ITGA9: variants seen among roughly 807,000 people sequenced by gnomAD.
The protein encoded by ITGA9 is integrin alpha-9.
In ITGA9, 56 loss-of-function variants were observed where a neutral mutation model predicts 127.8. The ratio of observed to expected loss-of-function variants is 0.44; its 90% CI spans 0.35 to 0.55. ITGA9 has a LOEUF of 0.55. Among genes scored for constraint, ITGA9 ranks in the 20% least tolerant of loss-of-function variants. The probability of loss-of-function intolerance (pLI) is 0.00; values close to 1 mark genes in which losing one functional copy is unlikely to be tolerated. For missense variants in ITGA9, 1,196 were observed against 1,347.1 expected (o/e 0.89, Z 1.76); for synonymous variants, 508 against 514.5 (o/e 0.99, Z 0.17).
At chr3:37,625,267 G>A (rs1334843684) in intron 15 of ITGA9, among the ~76,000 whole-genome samples, 3 of 152,140 alleles carry the variant, frequency 2.0e-5, no homozygotes, top group Non-Finnish European at 4.4e-5. Context: ...GCACTGCGTT[G>A]TCATCTCTTG....
chr3:37,509,783 T>G (rs563954770), intron 8 of ITGA9, among the ~76,000 whole-genome samples: 1 of 152,294 alleles, frequency 6.6e-6, no homozygotes, highest in Admixed American at 6.5e-5. Flanking sequence ...GGAAAATGAC[T>G]GTGAGCCATT....
chr3:37,683,768 T>C, intron 17 of ITGA9, 97 bp from the exon 18 acceptor site: 3 of 1,243,046 alleles, frequency 2.4e-6, no homozygotes, highest in Non-Finnish European at 3.5e-6. Context: ...GTAGTTCTGA[T>C]CTCGGTTTCT....
chr3:37,653,181 G>A (rs111416026), intron 16 of ITGA9, among the ~76,000 whole-genome samples: 24 of 152,352 alleles, frequency 1.6e-4, no homozygotes, highest in African/African-American at 5.8e-4. Context: ...AGTCTGTTGT[G>A]ATTCCCTCAG....
intron 18 of ITGA9, among the ~76,000 whole-genome samples, chr3:37,705,300 G>A (rs1012800001): frequency 6.6e-5 from 10 of 152,234 alleles, no homozygotes; most frequent in East Asian, 1.9e-4. Flanking sequence ...TACACATTTC[G>A]TCACTGCTGA....
intron 17 of ITGA9, among the ~76,000 whole-genome samples, chr3:37,675,293 GTT>G (rs35666816): frequency 1.3e-5 from 2 of 152,176 alleles, no homozygotes; most frequent in Non-Finnish European, 2.9e-5. Context: ...GTGTTGCACA[GTT>G]TCCCAGAGCT....
At chr3:37,476,688 G>C (rs140376691) in intron 3 of ITGA9, among the ~76,000 whole-genome samples, 277 of 152,220 alleles carry the variant, frequency 1.8e-3, no homozygotes, top group African/African-American at 6.4e-3. Flanking sequence ...TGCCTCCTTC[G>C]TGAAGCCTGT....
At chr3:37,611,524 A>T (rs1212070271) in intron 15 of ITGA9, among the ~76,000 whole-genome samples, 1 of 152,180 alleles carries the variant, frequency 6.6e-6, no homozygotes, top group Non-Finnish European at 1.5e-5. Context: ...TGATGAAAGT[A>T]TTGGAATTTT....
At chr3:37,741,242 T>G (rs1488778137) in intron 20 of ITGA9, among the ~76,000 whole-genome samples, 1 of 152,180 alleles carries the variant, frequency 6.6e-6, no homozygotes. Context: ...CCCACTCACT[T>G]GCCTGACAGG....
chr3:37,649,322 A>T (rs1700408497), intron 16 of ITGA9, among the ~76,000 whole-genome samples: 1 of 152,220 alleles, frequency 6.6e-6, no homozygotes, highest in South Asian at 2.1e-4. Context: ...AACCAGGATC[A>T]AACTGTATGC....
Position 37,710,875 on chromosome 3 carries a change from C to G in ITGA9, c.2068-21837C>G, listed in dbSNP as rs569744609. ...CTCTTTCCACTGTCTGATTCTGGGT[C>G]TCTGCTTCCTCATCTGGATAGCAGC... On this transcript the variant is annotated intron_variant, in intron 18 of 27. Coordinates refer to ENST00000264741, the MANE Select transcript of ITGA9 (RefSeq NM_002207.3). 1.1e-3 allele frequency among the ~76,000 whole-genome samples: 168 copies of G among 152,242 alleles called. 2 individuals carry two copies. Among genetic ancestry groups the G allele is most frequent in the Non-Finnish European group, 1.0e-3 (68 of 68,052 alleles).
intron 16 of ITGA9, among the ~76,000 whole-genome samples, chr3:37,645,308 C>T (rs1005892563): frequency 2.6e-5 from 4 of 152,162 alleles, no homozygotes; most frequent in African/African-American, 4.8e-5. Flanking sequence ...GTGGCTCACG[C>T]GTGTAATCCC....
At chr3:37,602,783 A>G (rs547084138) in intron 15 of ITGA9, among the ~76,000 whole-genome samples, 125 of 152,304 alleles carry the variant, frequency 8.2e-4, no homozygotes, top group Non-Finnish European at 1.5e-3. Flanking sequence ...CCAGCACTCT[A>G]TATCATGGGT....
chr3:37,585,648 T>G (rs1369317761), intron 15 of ITGA9: 1 of 516,236 alleles, frequency 1.9e-6, no homozygotes, highest in African/African-American at 1.9e-5. Flanking sequence ...GAAGAATGTT[T>G]GTGGCTAAAG....
intron 4 of ITGA9, among the ~76,000 whole-genome samples, chr3:37,491,904 G>A (rs1330983860): frequency 6.6e-6 from 1 of 152,140 alleles, no homozygotes; most frequent in Non-Finnish European, 1.5e-5. Context: ...AATAATAGTA[G>A]TGCCCTTAAC....
intron 18 of ITGA9, among the ~76,000 whole-genome samples, chr3:37,706,325 C>T (rs1192801998): frequency 3.3e-5 from 5 of 152,196 alleles, no homozygotes; most frequent in African/African-American, 1.2e-4. Context: ...CTGCTTCTTC[C>T]CAAAGTGCTC....
intron 15 of ITGA9, among the ~76,000 whole-genome samples, chr3:37,557,535 A>G (rs934503094): frequency 6.6e-6 from 1 of 152,198 alleles, no homozygotes; most frequent in Non-Finnish European, 1.5e-5. Flanking sequence ...GGTGGGTCCA[A>G]TGGTGGATGA....
At chr3:37,472,328 T>A (rs1698441474) in intron 2 of ITGA9, among the ~76,000 whole-genome samples, 1 of 152,226 alleles carries the variant, frequency 6.6e-6, no homozygotes, top group Non-Finnish European at 1.5e-5. Flanking sequence ...TTTGTTATAA[T>A]CATGACTGCA....
chr3:37,699,390 A>T (rs571026948), intron 18 of ITGA9, among the ~76,000 whole-genome samples: 1 of 152,176 alleles, frequency 6.6e-6, no homozygotes, highest in Admixed American at 6.5e-5. Context: ...AGGAAACAGT[A>T]ACTCCATCCT....
At chr3:37,759,623 T>A (rs6802949) in intron 23 of ITGA9, among the ~76,000 whole-genome samples, 1 of 152,216 alleles carries the variant, frequency 6.6e-6, no homozygotes, top group South Asian at 2.1e-4. Context: ...AAACATGGGC[T>A]GAGCATGGTG....
Sources: allele counts gnomAD v4.1 joint callset (sites outside exome capture counted in the v4.1 genomes callset), GRCh38; gene constraint gnomAD v4.1.1; transcripts MANE v1.5; gene names NCBI Gene and HGNC (gene_info 2026-07-23, HGNC 2026-07-21).